The following DYNC2H1 variants were observed in gnomAD, a reference collection of about 807,000 sequenced individuals.
DYNC2H1 encodes dynein cytoplasmic 2 heavy chain 1.
In DYNC2H1, 410 loss-of-function variants were observed where a neutral mutation model predicts 570.0. That is an observed-to-expected ratio of 0.72 (90% confidence interval 0.66 to 0.78). The LOEUF (loss-of-function observed/expected upper bound fraction) is 0.78. DYNC2H1 is among the 30% of genes least tolerant of loss of function. DYNC2H1 has a pLI of 0.00. For missense variants in DYNC2H1, 4,865 were observed against 5,046.4 expected (o/e 0.96, Z 1.09); for synonymous variants, 1,688 against 1,677.6 (o/e 1.01, Z -0.15).
Position 103,243,816 on chromosome 11 carries a change from A to G in DYNC2H1, c.9918+25A>G, listed in dbSNP as rs1864509971. ...GGTATGTATTATTTATAATTTACAT[A>G]CCAATTAGGAATGACCTCTTATAGT... is the stretch of plus-strand genomic sequence containing the variant. On this transcript the variant is annotated intron_variant, in intron 64 of 88. Transcript: ENST00000375735. The surrounding 1 kb of genome is among the most constrained non-coding windows in gnomAD (Gnocchi z 4.8). The G allele has an allele frequency of 2.6e-6, 4 of 1,509,448 alleles. No individual in the cohort carries two copies. The highest frequency in any genetic ancestry group is 2.4e-5 in the East Asian group (1 of 41,292). The allele number at this position is 1,509,448 out of a possible 1,614,324, so 93.5% of individuals were successfully genotyped here.
rs1421618109 is a variant in DYNC2H1 at position 103,249,009 on chromosome 11, GTCTT to G, written c.10042+3637_10042+3640del. On this transcript the variant is annotated intron_variant, in intron 65 of 88. Coordinates refer to ENST00000375735, the MANE Select transcript of DYNC2H1 (RefSeq NM_001377.3). This position sits in a 1 kb window ranked among gnomAD's most constrained non-coding sequence, Gnocchi z 4.6. ...CTCTTGTACCTTGCCCAATCATGCT[GTCTT>G]TAGTTATCTAAAGTACAACACAGAT... Among the ~76,000 whole-genome samples, 1 of 152,024 alleles carries G rather than the reference GTCTT, an allele frequency of 6.6e-6. No homozygotes were observed. The highest frequency in any genetic ancestry group is 1.5e-5 in the Non-Finnish European group (1 of 67,950).
intron 47 of DYNC2H1, among the ~76,000 whole-genome samples, chr11:103,194,130 C>T (rs1199017913): frequency 6.6e-6 from 1 of 152,198 alleles, no homozygotes; most frequent in East Asian, 1.9e-4. Context: ...GCCATACTCA[C>T]TTCTCTCCCA....
chr11:103,110,730 A>G (rs534455630), intron 1 of DYNC2H1, among the ~76,000 whole-genome samples: 1 of 152,352 alleles, frequency 6.6e-6, no homozygotes, highest in Admixed American at 6.5e-5. Context: ...AGTTAATAAA[A>G]CAAAGACATA....
intron 75 of DYNC2H1, among the ~76,000 whole-genome samples, chr11:103,294,656 A>T (rs1866747868): frequency 6.6e-6 from 1 of 152,154 alleles, no homozygotes; most frequent in Non-Finnish European, 1.5e-5. Context: ...AGCTGGCACC[A>T]TGCTGAGTCA....
rs539304604 is a variant in DYNC2H1 at position 103,232,519 on chromosome 11, A to G, written c.9440+1173A>G. Among the ~76,000 whole-genome samples, 39 of 152,108 alleles carry G rather than the reference A, an allele frequency of 2.6e-4. No individual in the cohort carries two copies. The South Asian group carries it at 8.1e-3, about 32-fold the overall frequency. On this transcript the variant is annotated intron_variant, in intron 60 of 88. Transcript: ENST00000375735. ...GAATGACATTTTTCATTATAGAGTC[A>G]TTGTTGAGAATGAATTAATGTTGGT...
chr11:103,371,088 A>T (rs1282022509), intron 83 of DYNC2H1, among the ~76,000 whole-genome samples: 5 of 152,160 alleles, frequency 3.3e-5, no homozygotes. Flanking sequence ...GAATTCTATC[A>T]GGTAAATTTT....
chr11:103,160,050 A>G (rs536158511), intron 28 of DYNC2H1, among the ~76,000 whole-genome samples: 1 of 152,266 alleles, frequency 6.6e-6, no homozygotes, highest in Non-Finnish European at 1.5e-5. Context: ...TAGGATGCTT[A>G]TATTTGTAAC....
chr11:103,124,385 G>A (rs1858877312), intron 11 of DYNC2H1, among the ~76,000 whole-genome samples: 1 of 140,438 alleles, frequency 7.1e-6, no homozygotes, highest in African/African-American at 2.6e-5. Flanking sequence ...GGTCAAGGCT[G>A]TAGTGAGCCA....
chr11:103,113,461 T>G, intron 1 of DYNC2H1, 76 bp from the exon 2 acceptor site: 1 of 1,189,160 alleles, frequency 8.4e-7, no homozygotes, highest in Non-Finnish European at 1.1e-6. Context: ...ATAATTATAG[T>G]GATAGAACTT....
intron 79 of DYNC2H1, among the ~76,000 whole-genome samples, chr11:103,313,107 A>AAAATTTATCAAGTGGCTTTTTAT (rs1867673619): frequency 6.6e-6 from 1 of 152,192 alleles, no homozygotes; most frequent in Non-Finnish European, 1.5e-5. Flanking sequence ...GAGTTTGGTT[A>AAAATTTATCAAGTGGCTTTTTAT]TTACTTTGCT....
chr11:103,459,669 G>C (rs1301601936), intron 87 of DYNC2H1, among the ~76,000 whole-genome samples: 1 of 152,064 alleles, frequency 6.6e-6, no homozygotes, highest in East Asian at 1.9e-4. Context: ...AGCTGAAGGA[G>C]TGGCCGGGCG....
Position 103,347,911 on chromosome 11 carries a change from G to A in DYNC2H1, c.12040-10332G>A, listed in dbSNP as rs1939827562. ...GATAGGGAACTAGTGAATCAAAGAG[G>A]CAGTTTCTTTGCTCTCTTGAAAGGC... On this transcript the variant is annotated intron_variant, in intron 82 of 88. Coordinates refer to ENST00000375735, the MANE Select transcript of DYNC2H1 (RefSeq NM_001377.3). Among the ~76,000 whole-genome samples the A allele has an allele frequency of 2.0e-5, 3 of 152,192 alleles. 1 individual carries two copies. In the South Asian group the frequency reaches 6.2e-4, roughly 32 times the overall value.
chr11:103,165,197 A>G (rs655918), intron 30 of DYNC2H1, among the ~76,000 whole-genome samples: 143,722 of 152,272 alleles, frequency 0.94, 67,903 homozygotes, highest in African/African-American at 0.98. Flanking sequence ...GTGCGATCTC[A>G]GCTCACTGCA....
At chr11:103,136,128 A>G (rs934145383) in intron 17 of DYNC2H1, among the ~76,000 whole-genome samples, 180 bp downstream of exon 17, 1 of 151,990 alleles carries the variant, frequency 6.6e-6, no homozygotes, top group African/African-American at 2.4e-5. Flanking sequence ...AAGAGAAAAA[A>G]GTTATGGGAA....
At position 103,203,751 on chromosome 11, in the gene DYNC2H1, A is replaced by G; in HGVS notation, c.8286A>G (p.Gly2762=). The G allele has an allele frequency of 6.2e-7, 1 of 1,610,532 alleles. No homozygotes were observed. Among genetic ancestry groups the G allele is most frequent in the South Asian group, 1.1e-5 (1 of 90,538 alleles). ...AAGCTTCACAAGATGGTTTTTTTGG[A>G]CCAGTCTTCAATTACTTCACATATA... ...KDQASQDGFF[G]PVFNYFTYRI... is the part of the protein sequence containing the mutation. Residue 2762 remains glycine, a synonymous_variant, in exon 51 of 89, where the codon GGA becomes GGG. Coordinates refer to ENST00000375735, the MANE Select transcript of DYNC2H1 (RefSeq NM_001377.3). The surrounding 1 kb of genome is among the most constrained non-coding windows in gnomAD (Gnocchi z 4.7).
Position 103,115,245 on chromosome 11 carries a change from A to G in DYNC2H1, c.571A>G (p.Ser191Gly). The G allele has an allele frequency of 3.7e-6, 6 of 1,608,604 alleles. No individual in the cohort carries two copies. Among genetic ancestry groups the G allele is most frequent in the Non-Finnish European group, 3.4e-6 (4 of 1,177,280 alleles). ...EQAHRGNKQISKERANYFKEL... is the reference protein window; with the variant it reads ...EQAHRGNKQIGKERANYFKEL... ...AGCTCACCGTGGAAATAAACAGATT[A>G]GTAAAGAAAGAGCCAATTATTTTAA... The change falls in exon 4 of 89, where the codon AGT (serine) becomes GGT (glycine). Residue 191 changes from serine to glycine, a missense_variant. This residue lies in a region of DYNC2H1 where 1,936 missense variants were observed against 1,962.1 expected (regional missense o/e 0.99). Coordinates refer to ENST00000375735, the MANE Select transcript of DYNC2H1 (RefSeq NM_001377.3).
At position 103,252,659 on chromosome 11, in the gene DYNC2H1, A is replaced by G. The variant is rs1047815652; in HGVS notation, c.10043-626A>G. ...TTGTATCTTCTTTGGAGAAATGTCT[A>G]TTCAGGTCCTTTGCCTGCTTTTTAA... On this transcript the variant is annotated intron_variant, in intron 65 of 88. Transcript: ENST00000375735. The surrounding 1 kb of genome is among the most constrained non-coding windows in gnomAD (Gnocchi z 4.6). Among the ~76,000 whole-genome samples, 5 of 152,102 alleles carry G rather than the reference A, an allele frequency of 3.3e-5. No individual in the cohort carries two copies. Among genetic ancestry groups the G allele is most frequent in the African/African-American group, 1.2e-4 (5 of 41,424 alleles).
At chr11:103,113,061 A>G (rs1310272435) in intron 1 of DYNC2H1, among the ~76,000 whole-genome samples, 2 of 152,220 alleles carry the variant, frequency 1.3e-5, no homozygotes, top group Non-Finnish European at 2.9e-5. Context: ...TTTTGAGTGC[A>G]TGTATAATTT....
intron 60 of DYNC2H1, among the ~76,000 whole-genome samples, chr11:103,231,920 A>G (rs1864027917): frequency 6.6e-6 from 1 of 151,862 alleles, no homozygotes; most frequent in Non-Finnish European, 1.5e-5. Flanking sequence ...CTGTCTCACC[A>G]ATATATACTT....
Sources: allele counts gnomAD v4.1 joint callset (sites outside exome capture counted in the v4.1 genomes callset), GRCh38; gene constraint gnomAD v4.1.1; regional missense constraint gnomAD v4.1.1; non-coding constraint Gnocchi (gnomAD v3.1); transcripts MANE v1.5; gene names NCBI Gene and HGNC (gene_info 2026-07-23, HGNC 2026-07-21).